CWC27: variants seen among roughly 807,000 people sequenced by gnomAD.
CWC27 encodes the protein CWC27 spliceosome associated cyclophilin.
CWC27 carries 47 observed loss-of-function variants against 63.6 expected under a neutral mutation model. That is an observed-to-expected ratio of 0.74 (90% CI 0.58 to 0.94). CWC27 has a LOEUF of 0.94. Among genes scored for constraint, CWC27 ranks in the 40% least tolerant of loss-of-function variants. CWC27 has a pLI of 0.00. For missense variants in CWC27, 495 were observed against 554.3 expected (o/e 0.89, Z 1.07); for synonymous variants, 175 against 179.8 (o/e 0.97, Z 0.22).
chr5:64,773,739 T>C (rs1273394407), intron 1 of CWC27: 2 of 152,296 alleles, frequency 1.3e-5, no homozygotes, highest in African/African-American at 4.8e-5. Flanking sequence ...TAACATTCTT[T>C]TTGGTTATTT....
intron 10 of CWC27, among the ~76,000 whole-genome samples, chr5:64,842,326 CAG>C (rs1484290237): frequency 1.3e-5 from 2 of 152,098 alleles, no homozygotes; most frequent in Non-Finnish European, 2.9e-5. Context: ...ATTTATGAGA[CAG>C]AGTCTCACTC....
At chr5:64,841,950 G>T (rs998102134) in intron 10 of CWC27, among the ~76,000 whole-genome samples, 1 of 152,116 alleles carries the variant, frequency 6.6e-6, no homozygotes, top group South Asian at 2.1e-4. Context: ...AAAGTGCTGG[G>T]ATTACAGGCA....
chr5:64,946,349 C>A (rs893562658), intron 11 of CWC27, among the ~76,000 whole-genome samples: 5 of 152,108 alleles, frequency 3.3e-5, no homozygotes, highest in African/African-American at 9.7e-5. Context: ...ATGCATATAG[C>A]AAATAATATA....
chr5:64,889,030 C>G (rs949391580), intron 11 of CWC27, among the ~76,000 whole-genome samples: 1 of 152,038 alleles, frequency 6.6e-6, no homozygotes, highest in Non-Finnish European at 1.5e-5. Flanking sequence ...AATAAATAAT[C>G]ATAATTCAAT....
intron 11 of CWC27, among the ~76,000 whole-genome samples, chr5:64,965,954 G>T (rs1036551997): frequency 6.6e-6 from 1 of 152,086 alleles, no homozygotes; most frequent in Non-Finnish European, 1.5e-5. Flanking sequence ...TTTGAACTAC[G>T]TGCCTGTGTT....
At chr5:64,835,523 G>A (rs907627553) in intron 10 of CWC27, among the ~76,000 whole-genome samples, 1 of 151,846 alleles carries the variant, frequency 6.6e-6, no homozygotes, top group Non-Finnish European at 1.5e-5. Flanking sequence ...TAAATTAGCA[G>A]TGGAAATAGC....
intron 11 of CWC27, among the ~76,000 whole-genome samples, chr5:64,900,349 G>A (rs1039486595): frequency 3.3e-5 from 5 of 152,032 alleles, no homozygotes; most frequent in African/African-American, 4.8e-5. Context: ...TTTGTCATCC[G>A]TATATATTCT....
chr5:64,781,756 C>T (rs34500591), intron 2 of CWC27, among the ~76,000 whole-genome samples, 165 bp from the exon 3 acceptor site: 82,061 of 151,978 alleles, frequency 0.54, 22,700 homozygotes, highest in East Asian at 0.85. Flanking sequence ...GTGTGCTGTT[C>T]TGAGAAGTAA....
intron 10 of CWC27, among the ~76,000 whole-genome samples, chr5:64,873,065 G>A (rs540338707): frequency 1.4e-4 from 22 of 152,016 alleles, no homozygotes; most frequent in Non-Finnish European, 2.2e-4. Flanking sequence ...AAAAAATTAA[G>A]GCAATAGAGC....
intron 10 of CWC27, chr5:64,807,583 C>T (rs1205561540): frequency 6.6e-7 from 1 of 1,521,772 alleles, no homozygotes; most frequent in Non-Finnish European, 8.8e-7. Flanking sequence ...ATGTACCAAT[C>T]CCACTTTCTT....
At chr5:64,959,483 A>C (rs373268427) in intron 11 of CWC27, among the ~76,000 whole-genome samples, 130 of 152,318 alleles carry the variant, frequency 8.5e-4, no homozygotes, top group African/African-American at 3.0e-3. Flanking sequence ...GTTTATCACC[A>C]GTAGCTCCTC....
At chr5:64,829,996 A>T (rs1287925314) in intron 10 of CWC27, among the ~76,000 whole-genome samples, 12 of 112,498 alleles carry the variant, frequency 1.1e-4, no homozygotes, top group South Asian at 2.9e-4. Context: ...TTTTTTCGCT[A>T]TGCCATTTTT....
At chr5:64,812,233 AC>A (rs1270576460) in intron 10 of CWC27, among the ~76,000 whole-genome samples, 1 of 152,122 alleles carries the variant, frequency 6.6e-6, no homozygotes, top group African/African-American at 2.4e-5. Flanking sequence ...ATTAAAAAAA[AC>A]AGGTTAGTAA....
At position 64,897,878 on chromosome 5, in the gene CWC27, A is replaced by G. The variant is rs576111257; in HGVS notation, c.1042+12332A>G. The stretch of plus-strand genomic sequence containing the variant: ...CCCTAACTTGCATAGACCTAATAAC[A>G]TAAACTCAAAATCTATGAAGCAAAA... On this transcript the variant is annotated intron_variant, in intron 11 of 13. Transcript: ENST00000381070. Among the ~76,000 whole-genome samples, 11 of 152,360 alleles carry G rather than the reference A, an allele frequency of 7.2e-5. No homozygotes were observed. In the South Asian group the frequency reaches 2.3e-3, roughly 32 times the overall value.
At position 65,018,503 on chromosome 5, in the gene CWC27, G is replaced by T; in HGVS notation, c.*182G>T. On this transcript the variant is annotated 3_prime_UTR_variant, in exon 14 of 14. Transcript: ENST00000381070. ...GGAATGATGTAAGCAAATGCTTTTG[G>T]TTACTGGTACATGTGTTTTTTCCTA... 1 of 485,620 alleles carries T rather than the reference G, an allele frequency of 2.1e-6. No homozygotes were observed. Among genetic ancestry groups the T allele is most frequent in the Non-Finnish European group, 3.5e-6 (1 of 284,464 alleles). The allele number at this position is 485,620 out of a possible 1,614,324, so 30.1% of individuals were successfully genotyped here.
intron 10 of CWC27, among the ~76,000 whole-genome samples, chr5:64,868,181 C>G (rs910655089): frequency 1.3e-5 from 2 of 151,894 alleles, no homozygotes; most frequent in African/African-American, 4.8e-5. Flanking sequence ...CCCATCTAAC[C>G]CACATATAAG....
chr5:65,010,427 T>C (rs1269988550), intron 13 of CWC27, among the ~76,000 whole-genome samples: 3 of 152,174 alleles, frequency 2.0e-5, no homozygotes, highest in African/African-American at 7.2e-5. Context: ...ACCCTACCCC[T>C]AAAAAACTTA....
chr5:64,871,341 A>C (rs1372689934), intron 10 of CWC27, among the ~76,000 whole-genome samples: 1 of 152,146 alleles, frequency 6.6e-6, no homozygotes, highest in Non-Finnish European at 1.5e-5. Flanking sequence ...GAGCTTGTGC[A>C]TCAGTATTGA....
rs1417991561 is a variant in CWC27, at chr5:65,000,593, CA to C, written c.1257-17563del. Among the ~76,000 whole-genome samples the C allele has an allele frequency of 5.3e-5, 8 of 152,084 alleles. No homozygotes were observed. In the South Asian group the frequency reaches 1.0e-3, roughly 20 times the overall value. ...TTTATTGAAGAGGGTGTCTTTTTCC[CA>C]AAGTATGTTCTTGGCACCTTTGTTG... is the stretch of plus-strand genomic sequence containing the variant. On this transcript the variant is annotated intron_variant, in intron 13 of 13. Transcript: ENST00000381070.
Sources: allele counts gnomAD v4.1 joint callset (sites outside exome capture counted in the v4.1 genomes callset), GRCh38; gene constraint gnomAD v4.1.1; transcripts MANE v1.5; gene names NCBI Gene and HGNC (gene_info 2026-07-23, HGNC 2026-07-21).